MACROH2A1: variants seen among roughly 807,000 people sequenced by gnomAD.
MACROH2A1 encodes macroH2A.1 histone.
A neutral mutation model predicts 31.6 loss-of-function variants in MACROH2A1; 2 were observed. That is an observed-to-expected ratio of 0.06 (90% CI 0.03 to 0.20). The LOEUF is 0.20. MACROH2A1 is among the 10% of genes least tolerant of loss of function. The pLI is 1.00. For missense variants in MACROH2A1, 230 were observed against 474.0 expected (o/e 0.49, Z 4.78); for synonymous variants, 169 against 189.6 (o/e 0.89, Z 0.89).
chr5:135,377,597 A>G lies in MACROH2A1; in HGVS notation c.173-7455T>C, dbSNP rs181669617. ...GCAATCGGGCTACACATGTTCATCA[A>G]GACAGGGGAGCAGCTTCGCCCACTG... On this transcript the variant is annotated intron_variant, in intron 2 of 8. Coordinates refer to ENST00000511689, the MANE Select transcript of MACROH2A1 (RefSeq NM_138610.3). Among the ~76,000 whole-genome samples the G allele has an allele frequency of 8.9e-3, 1,360 of 152,232 alleles. 19 individuals carry two copies. Among genetic ancestry groups the G allele is most frequent in the African/African-American group, 0.032 (1,308 of 41,462 alleles).
chr5:135,398,744 G>A lies in MACROH2A1; in HGVS notation c.-34+318C>T, dbSNP rs1027943980. The stretch of plus-strand genomic sequence containing the variant: ...TGGCCCGTGAGCCCGCCCCAGGAAG[G>A]GTCGCCAGGGTAGGCGCCAGCACCG... On this transcript the variant is annotated intron_variant, in intron 1 of 8. Transcript: ENST00000511689. This position sits in a 1 kb window ranked among gnomAD's most constrained non-coding sequence, Gnocchi z 4.6. 1.3e-5 allele frequency among the ~76,000 whole-genome samples: 2 copies of A among 152,326 alleles called. No individual in the cohort carries two copies. The highest frequency in any genetic ancestry group is 2.9e-5 in the Non-Finnish European group (2 of 68,032).
At chr5:135,381,895 A>G (rs575359266) in intron 2 of MACROH2A1, among the ~76,000 whole-genome samples, 1 of 152,330 alleles carries the variant, frequency 6.6e-6, no homozygotes, top group Non-Finnish European at 1.5e-5. Flanking sequence ...ATAAGAAGTG[A>G]CTAGTATAAA....
At position 135,382,227 on chromosome 5, in the gene MACROH2A1, G is replaced by A. The variant is rs139484997; in HGVS notation, c.172+6695C>T. 8.5e-5 allele frequency among the ~76,000 whole-genome samples: 13 copies of A among 152,280 alleles called. No homozygotes were observed. In the East Asian group the frequency reaches 1.7e-3, roughly 20 times the overall value. ...GTTTTGTGGTGTTGTGTGCTTGTCCGTTGGCCCAAGCAAAAGCAGAACCCT... is the reference window on the plus strand; with the variant it reads ...GTTTTGTGGTGTTGTGTGCTTGTCCATTGGCCCAAGCAAAAGCAGAACCCT... On this transcript the variant is annotated intron_variant, in intron 2 of 8. Coordinates refer to ENST00000511689, the MANE Select transcript of MACROH2A1 (RefSeq NM_138610.3).
chr5:135,334,834 G>A lies in MACROH2A1; in HGVS notation c.*142C>T. 1 of 704,480 alleles carries A rather than the reference G, an allele frequency of 1.4e-6. No homozygotes were observed. The highest frequency in any genetic ancestry group is 2.5e-6 in the Non-Finnish European group (1 of 406,500). The allele number at this position is 704,480 out of a possible 1,614,324, so 43.6% of individuals were successfully genotyped here. A position where few individuals can be genotyped will look rare whatever the true frequency, so the allele number is the denominator to read the frequency against. The stretch of plus-strand genomic sequence containing the variant: ...TAGAAGGTCAAAAACAATTAAACTG[G>A]AAACCAAAGCCTTATTTTCCCTAGA... On this transcript the variant is annotated 3_prime_UTR_variant, in exon 9 of 9. Transcript: ENST00000511689.
intron 5 of MACROH2A1, 79 bp from the exon 6 acceptor site, chr5:135,353,124 G>A: frequency 1.1e-6 from 1 of 871,064 alleles, no homozygotes; most frequent in South Asian, 1.3e-5. Flanking sequence ...TACAGGTAAA[G>A]GACAGTGGAC....
chr5:135,350,884 C>T (rs768526723), intron 6 of MACROH2A1: 10 of 1,612,916 alleles, frequency 6.2e-6, no homozygotes, highest in South Asian at 4.4e-5. Context: ...CACTGTCGAT[C>T]GAGGCAATGT....
In MACROH2A1 at chr5:135,352,971, A is replaced by C. The variant is rs1436138459; in HGVS notation, c.663T>G (p.Ala221=). The C allele has an allele frequency of 1.3e-6, 2 of 1,592,168 alleles. No homozygotes were observed. The highest frequency in any genetic ancestry group is 1.1e-5 in the South Asian group (1 of 90,656). ...CTAGGTCATCTTTAAGGTCAATGTC[A>C]GCATTGGTAGGATTGATTATGGCCT... The part of the protein sequence containing the change: ...EVEAIINPTN[A]DIDLKDDLGN... The change falls in exon 6 of 9, where the codon GCT becomes GCG. Residue 221 remains alanine, a synonymous_variant. Transcript: ENST00000511689.
At chr5:135,346,099 T>G (rs771187482) in intron 6 of MACROH2A1, 42 bp from the exon 7 acceptor site, 1 of 1,152,910 alleles carries the variant, frequency 8.7e-7, no homozygotes, top group Non-Finnish European at 1.3e-6. Context: ...ATTCTGTGTC[T>G]CCGGCACACA....
At chr5:135,348,602 C>G (rs1761141461) in intron 6 of MACROH2A1, among the ~76,000 whole-genome samples, 1 of 152,234 alleles carries the variant, frequency 6.6e-6, no homozygotes, top group Admixed American at 6.5e-5. Context: ...CTTTTCTCCT[C>G]TCACACATCA....
intron 1 of MACROH2A1, among the ~76,000 whole-genome samples, chr5:135,396,143 C>T (rs921791165): frequency 6.6e-6 from 1 of 152,140 alleles, no homozygotes; most frequent in African/African-American, 2.4e-5. Flanking sequence ...TTACTGCCTG[C>T]CTGCTTTACA....
At chr5:135,349,106 G>A (rs1483720482) in intron 6 of MACROH2A1, among the ~76,000 whole-genome samples, 2 of 152,102 alleles carry the variant, frequency 1.3e-5, no homozygotes, top group African/African-American at 2.4e-5. Context: ...TGCTGGGCAC[G>A]GCCTTCCTCA....
intron 1 of MACROH2A1, among the ~76,000 whole-genome samples, chr5:135,392,847 T>G (rs1767431724): frequency 6.6e-6 from 1 of 152,212 alleles, no homozygotes; most frequent in Non-Finnish European, 1.5e-5. Flanking sequence ...GAACCTATTT[T>G]CTTATCTTTC....
intron 5 of MACROH2A1, chr5:135,353,609 T>C (rs1761843278): frequency 6.6e-6 from 1 of 152,290 alleles, no homozygotes. Flanking sequence ...CTTAGTAACA[T>C]TTAATTTACG....
rs2149846598 is a variant in MACROH2A1 at position 135,370,391 on chromosome 5, T to A, written c.173-249A>T. ...TGAAGCTGAGGGAGAAGGGACCAGC[T>A]GAAGATCACTGAGTGAGTGAGTGGG... On this transcript the variant is annotated intron_variant, in intron 2 of 8. Transcript: ENST00000511689. 1.3e-5 allele frequency among the ~76,000 whole-genome samples: 2 copies of A among 152,340 alleles called. 1 individual carries two copies. The highest frequency in any genetic ancestry group is 6.8e-3 in the Middle Eastern group (2 of 294).
At chr5:135,394,664 C>T (rs1194020875) in intron 1 of MACROH2A1, among the ~76,000 whole-genome samples, 1 of 152,204 alleles carries the variant, frequency 6.6e-6, no homozygotes, top group Admixed American at 6.5e-5. Flanking sequence ...GATTGCCAGT[C>T]ACTCTAGATC....
intron 2 of MACROH2A1, among the ~76,000 whole-genome samples, chr5:135,385,089 G>A (rs1218691084): frequency 6.6e-6 from 1 of 152,240 alleles, no homozygotes; most frequent in Non-Finnish European, 1.5e-5. Flanking sequence ...CCTTTGGAAG[G>A]CAGAGGGCCT....
chr5:135,359,191 G>A (rs1762539735), intron 5 of MACROH2A1: 1 of 985,366 alleles, frequency 1.0e-6, no homozygotes, highest in Admixed American at 6.1e-5. Context: ...GCCAGGGTGG[G>A]AGTGCCTAAG....
At chr5:135,357,065 C>T (rs1374429019) in intron 5 of MACROH2A1, 1 of 152,206 alleles carries the variant, frequency 6.6e-6, no homozygotes, top group African/African-American at 2.4e-5. Flanking sequence ...GCTGTGTCTT[C>T]CCTGGGGCAC....
chr5:135,343,735 A>G, intron 7 of MACROH2A1: 1 of 397,970 alleles, frequency 2.5e-6, no homozygotes, highest in Non-Finnish European at 4.6e-6. Context: ...AGCCTTATCC[A>G]TCAAAACTCA....
Sources: gnomAD v4.1 joint callset for allele counts (sites outside exome capture counted in the v4.1 genomes callset) on GRCh38, gnomAD v4.1.1 for gene constraint, Gnocchi (gnomAD v3.1) non-coding constraint, MANE v1.5 for transcripts, NCBI Gene and HGNC (gene_info 2026-07-23, HGNC 2026-07-21) for gene names.